The following DNER variants were observed in gnomAD, a reference collection of about 807,000 sequenced individuals.
DNER encodes the protein delta/notch like EGF repeat containing, also known as delta and Notch-like epidermal growth factor-related receptor.
A neutral mutation model predicts 78.2 loss-of-function variants in DNER; 33 were observed. That is an observed-to-expected ratio of 0.42 (90% CI 0.32 to 0.56). DNER has a LOEUF of 0.56. DNER is among the 20% of genes least tolerant of loss of function. DNER has a pLI of 0.11. For synonymous variants in DNER, 417 were observed against 384.8 expected (o/e 1.08, Z -0.98); for missense variants, 918 against 975.3 (o/e 0.94, Z 0.78).
intron 7 of DNER, among the ~76,000 whole-genome samples, chr2:229,467,479 G>A (rs1256513443): frequency 6.6e-6 from 1 of 152,148 alleles, no homozygotes; most frequent in Non-Finnish European, 1.5e-5. Context: ...TCTTGGGCCT[G>A]GGTCTCTCTG....
chr2:229,679,531 A>G (rs1699352529), intron 1 of DNER, among the ~76,000 whole-genome samples: 1 of 152,172 alleles, frequency 6.6e-6, no homozygotes, highest in African/African-American at 2.4e-5. Context: ...GTCATTTGCC[A>G]TAATACCTAA....
chr2:229,649,257 A>G (rs888121883), intron 1 of DNER, among the ~76,000 whole-genome samples: 11 of 152,174 alleles, frequency 7.2e-5, no homozygotes, highest in African/African-American at 2.7e-4. Context: ...CCCTTTCTTT[A>G]AGGTAAATAA....
At chr2:229,534,758 G>A (rs1696371785) in intron 5 of DNER, among the ~76,000 whole-genome samples, 1 of 152,144 alleles carries the variant, frequency 6.6e-6, no homozygotes, top group African/African-American at 2.4e-5. Flanking sequence ...TATAATTATT[G>A]TTCATTTAAA....
In DNER at chr2:229,591,807, G is replaced by A. The variant is rs1283916817; in HGVS notation, c.358C>T (p.Leu120Phe). The change falls in exon 2 of 13, where the codon CTC becomes TTC. Residue 120 changes from leucine to phenylalanine, a missense_variant. Physicochemically the swap from Leu to Phe is conservative, Grantham distance 22. Coordinates refer to ENST00000341772, the MANE Select transcript of DNER (RefSeq NM_139072.4). This position sits in a 1 kb window ranked among gnomAD's most constrained non-coding sequence, Gnocchi z 4.6. ...TCATAGCCTTCATTGCAAATGCAGAGGTAGCCATCGCTGCTGCTGCTGCTG... is the reference window on the plus strand; with the variant it reads ...TCATAGCCTTCATTGCAAATGCAGAAGTAGCCATCGCTGCTGCTGCTGCTG... ...SSSSSSSDGYLCICNEGYEGP... is the reference protein window; with the variant it reads ...SSSSSSSDGYFCICNEGYEGP... 9.3e-6 allele frequency: 15 copies of A among 1,613,658 alleles called. 1 individual carries two copies. Among genetic ancestry groups the A allele is most frequent in the Non-Finnish European group, 1.3e-5 (15 of 1,179,772 alleles).
At chr2:229,494,172 A>G (rs1187522100) in intron 6 of DNER, among the ~76,000 whole-genome samples, 2 of 152,194 alleles carry the variant, frequency 1.3e-5, no homozygotes, top group African/African-American at 2.4e-5. Flanking sequence ...CTTCTCATAC[A>G]CACAAAATAC....
chr2:229,363,615 G>C (rs952760908), intron 12 of DNER, among the ~76,000 whole-genome samples: 1 of 152,196 alleles, frequency 6.6e-6, no homozygotes, highest in Non-Finnish European at 1.5e-5. Flanking sequence ...GAGCTTGCCC[G>C]TTAGGAATTC....
intron 1 of DNER, among the ~76,000 whole-genome samples, chr2:229,684,165 A>AGT (rs1392061568): frequency 0.058 from 6,743 of 115,756 alleles, 151 homozygotes; most frequent in East Asian, 0.1. Flanking sequence ...AGAGAGAGAG[A>AGT]GAGAGTGTGT....
intron 5 of DNER, among the ~76,000 whole-genome samples, chr2:229,539,885 T>C (rs138992380): frequency 6.6e-6 from 1 of 152,300 alleles, no homozygotes; most frequent in African/African-American, 2.4e-5. Context: ...CTCTAATCTA[T>C]GAGTTACTCA....
chr2:229,532,091 A>G (rs1196472856), intron 5 of DNER, among the ~76,000 whole-genome samples: 1 of 152,226 alleles, frequency 6.6e-6, no homozygotes, highest in East Asian at 1.9e-4. Context: ...TGGTGGCTGC[A>G]TGAAGCTGAA....
At chr2:229,627,484 A>G (rs1698365133) in intron 1 of DNER, among the ~76,000 whole-genome samples, 1 of 152,066 alleles carries the variant, frequency 6.6e-6, no homozygotes, top group Admixed American at 6.6e-5. Flanking sequence ...GTTTAGTGCC[A>G]GCTCCAGAAG....
chr2:229,582,342 G>A (rs963204532), intron 4 of DNER, among the ~76,000 whole-genome samples: 11 of 152,282 alleles, frequency 7.2e-5, no homozygotes, highest in African/African-American at 2.6e-4. Context: ...GCAGCTGGCG[G>A]TGTGGAGGTG....
At chr2:229,606,569 T>C (rs1451664266) in intron 1 of DNER, among the ~76,000 whole-genome samples, 1 of 152,164 alleles carries the variant, frequency 6.6e-6, no homozygotes, top group African/African-American at 2.4e-5. Context: ...CTCCTTCATG[T>C]GGACATCCTA....
chr2:229,679,070 C>T (rs1001438252), intron 1 of DNER, among the ~76,000 whole-genome samples: 1 of 152,110 alleles, frequency 6.6e-6, no homozygotes, highest in African/African-American at 2.4e-5. Flanking sequence ...TACTCACTTA[C>T]CCACACTCCT....
At chr2:229,548,413 T>C (rs28461907) in intron 4 of DNER, among the ~76,000 whole-genome samples, 4,474 of 152,120 alleles carry the variant, frequency 0.029, 194 homozygotes, top group African/African-American at 0.094. Flanking sequence ...CATGCAGCCA[T>C]AAAAAAGGAT....
chr2:229,483,097 G>T (rs540185077), intron 6 of DNER, among the ~76,000 whole-genome samples: 1 of 152,256 alleles, frequency 6.6e-6, no homozygotes, highest in Admixed American at 6.5e-5. Flanking sequence ...TTTCCTGTTG[G>T]ATGGCAATAA....
chr2:229,596,054 T>C (rs903729941), intron 1 of DNER, among the ~76,000 whole-genome samples: 2 of 152,208 alleles, frequency 1.3e-5, no homozygotes, highest in Admixed American at 6.5e-5. Context: ...TTCATTTTTT[T>C]CTTTCCCCAC....
intron 7 of DNER, among the ~76,000 whole-genome samples, chr2:229,450,364 G>T (rs1694431307): frequency 6.6e-6 from 1 of 152,138 alleles, no homozygotes; most frequent in South Asian, 2.1e-4. Context: ...AAATTACTTA[G>T]AACTACTAGA....
intron 1 of DNER, among the ~76,000 whole-genome samples, chr2:229,615,360 A>G (rs1304185053): frequency 6.8e-6 from 1 of 148,020 alleles, no homozygotes; most frequent in Non-Finnish European, 1.5e-5. Context: ...GTGGTGAGCC[A>G]AGACTGCACC....
chr2:229,485,274 G>A (rs894670760), intron 6 of DNER, among the ~76,000 whole-genome samples: 13 of 152,160 alleles, frequency 8.5e-5, no homozygotes, highest in African/African-American at 2.9e-4. Flanking sequence ...GAGCAATGAT[G>A]TTAGGTGAAA....
Sources: allele counts gnomAD v4.1 joint callset (sites outside exome capture counted in the v4.1 genomes callset), GRCh38; gene constraint gnomAD v4.1.1; non-coding constraint Gnocchi (gnomAD v3.1); transcripts MANE v1.5; gene names NCBI Gene and HGNC (gene_info 2026-07-23, HGNC 2026-07-21).